The following CCDC187 variants were observed in gnomAD, a reference collection of about 807,000 sequenced individuals.
CCDC187 encodes the protein coiled-coil domain-containing protein 187.
Under a neutral mutation model 38.0 loss-of-function variants are expected in CCDC187, and 32 were observed. The ratio of observed to expected loss-of-function variants is 0.84; its 90% CI spans 0.64 to 1.13. CCDC187 has a LOEUF of 1.13. Ranked by LOEUF, CCDC187 falls within the 50% of genes most tolerant of loss-of-function variation. The pLI is 0.00. For synonymous variants in CCDC187, 333 were observed against 347.9 expected (o/e 0.96, Z 0.48); for missense variants, 707 against 786.8 (o/e 0.90, Z 1.21).
upstream of CCDC187, among the ~76,000 whole-genome samples, chr9:136,305,489 T>C (rs1428729845): frequency 6.6e-6 from 1 of 152,088 alleles, no homozygotes; most frequent in Non-Finnish European, 1.5e-5. Flanking sequence ...TGCACAGGCC[T>C]GGCCCCCCTG....
chr9:136,287,137 AG>A (rs1831201190), intron 7 of CCDC187, among the ~76,000 whole-genome samples: 1 of 152,250 alleles, frequency 6.6e-6, no homozygotes, highest in African/African-American at 2.4e-5. Flanking sequence ...CGAACGGAGA[AG>A]CAAAATGAGG....
At chr9:136,299,848 G>T (rs1303236290) in intron 3 of CCDC187, among the ~76,000 whole-genome samples, 1 of 152,202 alleles carries the variant, frequency 6.6e-6, no homozygotes, top group African/African-American at 2.4e-5. Flanking sequence ...CCAGGAGCTG[G>T]CAGGGACCTG....
chr9:136,292,998 C>T (rs892653784), intron 4 of CCDC187, among the ~76,000 whole-genome samples: 1 of 152,204 alleles, frequency 6.6e-6, no homozygotes, highest in African/African-American at 2.4e-5. Flanking sequence ...GCCACCGATG[C>T]CAACACCAGC....
upstream of CCDC187, among the ~76,000 whole-genome samples, chr9:136,306,183 CT>C (rs1831802176): frequency 6.6e-6 from 1 of 152,186 alleles, no homozygotes; most frequent in Non-Finnish European, 1.5e-5. Context: ...CCAGGCCCCC[CT>C]GTCCCCAGCA....
chr9:136,299,261 A>G (rs1255392529), intron 3 of CCDC187, among the ~76,000 whole-genome samples: 2 of 152,234 alleles, frequency 1.3e-5, no homozygotes, highest in East Asian at 3.9e-4. Context: ...GACCCCGCCC[A>G]CATCTGCACT....
rs1020585401 is a variant in CCDC187, at chr9:136,251,061, G to C, written c.*2533C>G. 6.6e-6 allele frequency: 3 copies of C among 455,886 alleles called. No homozygotes were observed. The Admixed American group carries it at 7.0e-5, about 11-fold the overall frequency. 28.2% of individuals were successfully genotyped at this position (455,886 alleles called of 1,614,324 possible). The stretch of plus-strand genomic sequence containing the variant: ...ACTGCATGCATAAAGTCTGGAGTAT[G>C]CTCCTCTCTGAAGTGGAGGAGGCCT... On this transcript the variant is annotated 3_prime_UTR_variant, in exon 26 of 26. Transcript: ENST00000638797.
chr9:136,306,441 A>C (rs1403068775), upstream of CCDC187, among the ~76,000 whole-genome samples: 1 of 152,218 alleles, frequency 6.6e-6, no homozygotes, highest in Non-Finnish European at 1.5e-5. Context: ...GGCAGGAAGT[A>C]GCCTTGCCCA....
chr9:136,278,651 A>G (rs937950918), intron 10 of CCDC187, among the ~76,000 whole-genome samples: 33 of 152,224 alleles, frequency 2.2e-4, no homozygotes, highest in Admixed American at 2.0e-4. Context: ...GTTCTCAGTC[A>G]TGTGGCTTGG....
upstream of CCDC187, among the ~76,000 whole-genome samples, chr9:136,306,604 C>A (rs1007844442): frequency 0.076 from 11,504 of 152,182 alleles, 611 homozygotes; most frequent in East Asian, 0.15. Flanking sequence ...ACTTAACCAG[C>A]GGATGAGGCT....
chr9:136,293,781 CTCA>C (rs1831446808), intron 4 of CCDC187, among the ~76,000 whole-genome samples: 5 of 152,114 alleles, frequency 3.3e-5, no homozygotes, highest in South Asian at 4.1e-4. Context: ...CACACACGGT[CTCA>C]TCCTCACACA....
At position 136,258,122 on chromosome 9, in the gene CCDC187, G is replaced by C. The variant is rs1189082258; in HGVS notation, c.4366+810C>G. On this transcript the variant is annotated intron_variant, in intron 22 of 25. Transcript: ENST00000638797. This position sits in a 1 kb window ranked among gnomAD's most constrained non-coding sequence, Gnocchi z 4.3. ...CAGAAGCCTGAACAGCGCAGGCCCG[G>C]AGGTGACGCGGGACACAGAGGGAAA... is the stretch of plus-strand genomic sequence containing the variant. 6.6e-6 allele frequency among the ~76,000 whole-genome samples: 1 copy of C among 152,176 alleles called. No individual in the cohort carries two copies.
At chr9:136,299,923 G>A (rs964485255) in intron 3 of CCDC187, among the ~76,000 whole-genome samples, 2 of 152,338 alleles carry the variant, frequency 1.3e-5, no homozygotes, top group African/African-American at 4.8e-5. Flanking sequence ...TGCCTGTTCT[G>A]TGCAGGAGAT....
At chr9:136,261,292 G>A (rs369858335) in intron 19 of CCDC187, among the ~76,000 whole-genome samples, 1 of 152,182 alleles carries the variant, frequency 6.6e-6, no homozygotes, top group East Asian at 1.9e-4. Context: ...CACCGCAGGC[G>A]AGCTTCTCGT....
At chr9:136,271,160 C>A (rs1271000417) in intron 14 of CCDC187, among the ~76,000 whole-genome samples, 6 of 152,204 alleles carry the variant, frequency 3.9e-5, no homozygotes, top group African/African-American at 1.4e-4. Context: ...CAAATAGTGG[C>A]TGAACTATTT....
intron 4 of CCDC187, among the ~76,000 whole-genome samples, chr9:136,295,278 CCCGCCTGCCCGCCCG>C (rs2131338519): frequency 6.6e-6 from 1 of 152,324 alleles, no homozygotes; most frequent in African/African-American, 2.4e-5. Context: ...GGAGGGGCTG[CCCGCCTGCCCGCCCG>C]GCCCCTCCAT....
chr9:136,275,747 C>T (rs928943961), intron 12 of CCDC187, among the ~76,000 whole-genome samples: 8 of 152,210 alleles, frequency 5.3e-5, no homozygotes, highest in Non-Finnish European at 1.2e-4. Flanking sequence ...AGCTGCCTTT[C>T]GGAGGGGACA....
In CCDC187 at chr9:136,250,999, G is replaced by A. The variant is rs1554759295; in HGVS notation, c.*2595C>T. The A allele has an allele frequency of 2.2e-6, 1 of 456,256 alleles. No individual in the cohort carries two copies. Among genetic ancestry groups the A allele is most frequent in the East Asian group, 6.9e-5 (1 of 14,392 alleles). The allele number at this position is 456,256 out of a possible 1,614,324, so 28.3% of individuals were successfully genotyped here. ...TGTGTCCTGTGACCTGGCATCTTAGGGCTTTGCCACGCCAGCTTTGTGATG... is the reference window on the plus strand; with the variant it reads ...TGTGTCCTGTGACCTGGCATCTTAGAGCTTTGCCACGCCAGCTTTGTGATG... On this transcript the variant is annotated 3_prime_UTR_variant, in exon 26 of 26. Coordinates refer to ENST00000638797, the MANE Select transcript of CCDC187 (RefSeq NM_001378188.1).
chr9:136,293,765 C>T (rs1461644615), intron 4 of CCDC187, among the ~76,000 whole-genome samples: 1 of 152,134 alleles, frequency 6.6e-6, no homozygotes, highest in Non-Finnish European at 1.5e-5. Context: ...TACACACTGA[C>T]ATGCTCACAC....
intron 17 of CCDC187, 53 bp downstream of exon 17, chr9:136,265,903 G>C (rs1038911201): frequency 1.2e-6 from 1 of 867,356 alleles, no homozygotes; most frequent in Non-Finnish European, 1.4e-6. Flanking sequence ...AAGATGACAC[G>C]ACTGCCTCTG....
Sources: gnomAD v4.1 joint callset for allele counts (sites outside exome capture counted in the v4.1 genomes callset) on GRCh38, gnomAD v4.1.1 for gene constraint, Gnocchi (gnomAD v3.1) non-coding constraint, MANE v1.5 for transcripts, NCBI Gene and HGNC (gene_info 2026-07-23, HGNC 2026-07-21) for gene names.